UBN1: variants seen among roughly 807,000 people sequenced by gnomAD.
UBN1 encodes ubinuclein-1.
Under a neutral mutation model 108.5 loss-of-function variants are expected in UBN1, and 17 were observed. The observed-to-expected ratio is 0.16, with a 90% CI of 0.11 to 0.24. UBN1 has a LOEUF of 0.24. UBN1 is among the 10% of genes least tolerant of loss of function. The pLI, the probability that UBN1 is intolerant of heterozygous loss-of-function variation, is 1.00. For synonymous variants in UBN1, 726 were observed against 564.2 expected (o/e 1.29, Z -4.07); for missense variants, 1,595 against 1,394.4 (o/e 1.14, Z -2.29).
rs377385103 is a variant in UBN1 at position 4,875,101 on chromosome 16, A to G, written c.2691A>G (p.Ser897=). 35 of 1,614,078 alleles carry G rather than the reference A, an allele frequency of 2.2e-5. No homozygotes were observed. Among genetic ancestry groups the G allele is most frequent in the African/African-American group, 2.1e-4 (16 of 74,942 alleles). The part of the protein sequence containing the change: ...AKPHSVSSAG[S]SYKNNPFASS... The stretch of plus-strand genomic sequence containing the variant: ...CACATTCAGTCAGCTCTGCAGGCTC[A>G]TCTTACAAGAATAATCCCTTTGCCA... Residue 897 remains serine (S), a synonymous_variant, in exon 15 of 18, where the codon TCA becomes TCG. Transcript: ENST00000262376.
Position 4,877,567 on chromosome 16 carries a change from T to G in UBN1, c.3355+93T>G. 1.4e-6 allele frequency: 2 copies of G among 1,470,712 alleles called. No individual in the cohort carries two copies. Among genetic ancestry groups the G allele is most frequent in the East Asian group, 2.5e-5 (1 of 40,170 alleles). 91.1% of individuals were successfully genotyped at this position (1,470,712 alleles called of 1,614,324 possible). ...TGCCGCTGCCAAGGGTCTTGGTGTC[T>G]TTGCCTTGACGCTGTTGTTGTTTTG... On this transcript the variant is annotated intron_variant, in intron 17 of 17. Coordinates refer to ENST00000262376, the MANE Select transcript of UBN1 (RefSeq NM_001079514.3). The surrounding 1 kb of genome is among the most constrained non-coding windows in gnomAD (Gnocchi z 4.3).
At chr16:4,860,621 G>A in intron 6 of UBN1, 43 bp from the exon 7 acceptor site, 3 of 1,558,126 alleles carry the variant, frequency 1.9e-6, no homozygotes, top group Non-Finnish European at 2.6e-6. Flanking sequence ...TCCCTTTGGA[G>A]GTGTCCTATA....
At chr16:4,860,022 C>T (rs564296963) in intron 6 of UBN1, 54 bp downstream of exon 6, 31 of 1,602,918 alleles carry the variant, frequency 1.9e-5, no homozygotes, top group African/African-American at 8.1e-5. Flanking sequence ...TAGGGCAGGA[C>T]GACTGGGAGC....
At position 4,871,255 on chromosome 16, in the gene UBN1, G is replaced by C. The variant is rs753686510; in HGVS notation, c.1660G>C (p.Asp554His). Residue 554 changes from aspartate to histidine, a missense_variant, in exon 12 of 18, where the codon GAT (aspartate) becomes CAT (histidine). This residue lies in a region of UBN1 where 1,398 missense variants were observed against 1,194.7 expected (regional missense o/e 1.17). Coordinates refer to ENST00000262376, the MANE Select transcript of UBN1 (RefSeq NM_001079514.3). ...GGAGGACTGTGTGAAGGGCTTTCTGGATGCGGAAGTCAAGCCCCTCTGGCC... is the reference window on the plus strand; with the variant it reads ...GGAGGACTGTGTGAAGGGCTTTCTGCATGCGGAAGTCAAGCCCCTCTGGCC... ...AWEDCVKGFL[D>H]AEVKPLWPKG... 6.2e-7 allele frequency: 1 copy of C among 1,614,252 alleles called. No individual in the cohort carries two copies. Among genetic ancestry groups the C allele is most frequent in the Non-Finnish European group, 8.5e-7 (1 of 1,180,052 alleles).
At position 4,877,382 on chromosome 16, in the gene UBN1, C is replaced by G. The variant is rs766909328; in HGVS notation, c.3266-3C>G. On this transcript the variant is annotated splice_polypyrimidine_tract_variant and splice_region_variant and intron_variant, in intron 16 of 17. Transcript: ENST00000262376. The surrounding 1 kb of genome is among the most constrained non-coding windows in gnomAD (Gnocchi z 4.3). Reference sequence around the variant, plus strand: ...TCTTTTCTCCCCTCCTGTTTTCTCTCAGGTCTTCTGGCTGGCTTGCACTCC... The same window carrying G: ...TCTTTTCTCCCCTCCTGTTTTCTCTGAGGTCTTCTGGCTGGCTTGCACTCC... 6.2e-7 allele frequency: 1 copy of G among 1,609,108 alleles called. No homozygotes were observed. The highest frequency in any genetic ancestry group is 8.5e-7 in the Non-Finnish European group (1 of 1,177,366).
chr16:4,874,080 A>G, intron 14 of UBN1, 131 bp from the exon 15 acceptor site: 1 of 1,171,116 alleles, frequency 8.5e-7, no homozygotes, highest in Non-Finnish European at 1.2e-6. Flanking sequence ...GCTCTGTCCC[A>G]CCACTTGTCT....
chr16:4,862,165 T>C (rs1447444043), intron 7 of UBN1, among the ~76,000 whole-genome samples: 1 of 152,230 alleles, frequency 6.6e-6, no homozygotes, highest in Non-Finnish European at 1.5e-5. Flanking sequence ...AGTCATAATC[T>C]ACAGCTGTAG....
In UBN1 at chr16:4,857,978, A is replaced by G. The variant is rs1228359391; in HGVS notation, c.250-12A>G. ...TTTCTGACTTATTTTTTGTGGAACG[A>G]TCTCTTTACAGAAGAAAGATCTGTC... On this transcript the variant is annotated splice_polypyrimidine_tract_variant and intron_variant, in intron 2 of 17. Coordinates refer to ENST00000262376, the MANE Select transcript of UBN1 (RefSeq NM_001079514.3). 1 of 1,594,076 alleles carries G rather than the reference A, an allele frequency of 6.3e-7. No individual in the cohort carries two copies. The highest frequency in any genetic ancestry group is 8.6e-7 in the Non-Finnish European group (1 of 1,168,292).
At chr16:4,871,439 G>A in intron 12 of UBN1, 138 bp downstream of exon 12, 1 of 1,252,920 alleles carries the variant, frequency 8.0e-7, no homozygotes, top group Non-Finnish European at 1.1e-6. Context: ...CTGAGTAACT[G>A]GGGGACATGC....
intron 8 of UBN1, 33 bp from the exon 9 acceptor site, chr16:4,870,179 T>C (rs1418107941): frequency 6.2e-7 from 1 of 1,613,230 alleles, no homozygotes; most frequent in Non-Finnish European, 8.5e-7. Flanking sequence ...TGCAGTGAGC[T>C]GCAGCCGGTG....
At position 4,870,650 on chromosome 16, in the gene UBN1, C is replaced by T. The variant is rs372518139; in HGVS notation, c.1430+16C>T. 2.2e-5 allele frequency: 36 copies of T among 1,613,358 alleles called. No homozygotes were observed. The highest frequency in any genetic ancestry group is 1.6e-4 in the Middle Eastern group (1 of 6,070). On this transcript the variant is annotated intron_variant, in intron 10 of 17. Transcript: ENST00000262376. Reference sequence around the variant, plus strand: ...AGGTTGCCAAGTAAGTTTGTCCTGGCGCTTGCAGGTGCAACCCTCCCGTCT... The same window carrying T: ...AGGTTGCCAAGTAAGTTTGTCCTGGTGCTTGCAGGTGCAACCCTCCCGTCT...
rs2088066718 is a variant in UBN1 at position 4,881,215 on chromosome 16, T to G, written c.*1083T>G. On this transcript the variant is annotated 3_prime_UTR_variant, in exon 18 of 18. Transcript: ENST00000262376. ...CAGTTTGTATTCTTAGGAATCATTC[T>G]TAGGCAGTGCGGCAGAAGCAGGCCT... The G allele has an allele frequency of 6.5e-6, 1 of 152,682 alleles. No homozygotes were observed. Among genetic ancestry groups the G allele is most frequent in the Non-Finnish European group, 1.5e-5 (1 of 68,072 alleles). The allele number at this position is 152,682 out of a possible 1,614,324, so 9.5% of individuals were successfully genotyped here. A position where few individuals can be genotyped will look rare whatever the true frequency, so the allele number is the denominator to read the frequency against.
intron 2 of UBN1, among the ~76,000 whole-genome samples, chr16:4,854,340 T>TTGTTG (rs1555511040): frequency 4.0e-5 from 6 of 148,538 alleles, no homozygotes; most frequent in African/African-American, 1.5e-4. Context: ...GCCTCTCTTT[T>TTGTTG]TTGTTGTTGT....
At position 4,877,520 on chromosome 16, in the gene UBN1, C is replaced by A. The variant is rs1432889652; in HGVS notation, c.3355+46C>A. ...GTGCCACGCGCACCGTGTGCCTTTGCCCTCTCCACCCCTAGGTGCTTTGCC... is the reference window on the plus strand; with the variant it reads ...GTGCCACGCGCACCGTGTGCCTTTGACCTCTCCACCCCTAGGTGCTTTGCC... On this transcript the variant is annotated intron_variant, in intron 17 of 17. Transcript: ENST00000262376. This position sits in a 1 kb window ranked among gnomAD's most constrained non-coding sequence, Gnocchi z 4.3. 1.9e-6 allele frequency: 3 copies of A among 1,549,526 alleles called. No individual in the cohort carries two copies. The African/African-American group carries it at 4.1e-5, about 21-fold the overall frequency.
intron 2 of UBN1, among the ~76,000 whole-genome samples, chr16:4,857,690 G>A (rs76226358): frequency 1.4e-4 from 22 of 152,296 alleles, no homozygotes; most frequent in African/African-American, 4.3e-4. Flanking sequence ...TTTATTGAAC[G>A]TGGTTGTGTA....
intron 8 of UBN1, among the ~76,000 whole-genome samples, chr16:4,869,216 A>G (rs900317162): frequency 6.6e-6 from 1 of 152,078 alleles, no homozygotes; most frequent in Non-Finnish European, 1.5e-5. Context: ...GGAGAGAGAG[A>G]AGGTGTTGCC....
chr16:4,863,766 C>T (rs1392464663), intron 7 of UBN1, among the ~76,000 whole-genome samples: 1 of 152,208 alleles, frequency 6.6e-6, no homozygotes, highest in Non-Finnish European at 1.5e-5. Flanking sequence ...GGCCAACGCT[C>T]ATGGCTGCAT....
chr16:4,870,400 G>C, intron 9 of UBN1, 59 bp downstream of exon 9: 3 of 1,611,028 alleles, frequency 1.9e-6, no homozygotes, highest in Non-Finnish European at 2.5e-6. Context: ...GGGTGACTGA[G>C]TCTTAAGCAA....
chr16:4,864,069 T>A lies in UBN1; in HGVS notation c.1110+2967T>A, dbSNP rs915066750. On this transcript the variant is annotated intron_variant, in intron 7 of 17. Transcript: ENST00000262376. ...ATCTGTGATCCTGGTTTGTTGTTGT[T>A]GTTGCCTTTTTTTTTTTTTTTTTTT... Among the ~76,000 whole-genome samples the A allele has an allele frequency of 2.7e-5, 4 of 147,150 alleles. No homozygotes were observed. In the Admixed American group the frequency reaches 2.8e-4, roughly 10 times the overall value.
Sources: allele counts gnomAD v4.1 joint callset (sites outside exome capture counted in the v4.1 genomes callset), GRCh38; gene constraint gnomAD v4.1.1; regional missense constraint gnomAD v4.1.1; non-coding constraint Gnocchi (gnomAD v3.1); transcripts MANE v1.5; gene names NCBI Gene and HGNC (gene_info 2026-07-23, HGNC 2026-07-21).